RIN1: variants seen among roughly 807,000 people sequenced by gnomAD.
RIN1 encodes the protein Ras and Rab interactor 1.
A neutral mutation model predicts 64.9 loss-of-function variants in RIN1; 52 were observed. That is an observed-to-expected ratio of 0.80 (90% CI 0.64 to 1.01). The LOEUF is 1.01. Ranked by LOEUF, RIN1 falls within the 50% of genes least tolerant of loss-of-function variation. RIN1 has a pLI of 0.00. For missense variants in RIN1, 1,040 were observed against 1,064.5 expected (o/e 0.98, Z 0.32); for synonymous variants, 486 against 483.6 (o/e 1.00, Z -0.06).
rs752718062 is a variant in RIN1, at chr11:66,334,079, G to A, written c.1431C>T (p.Pro477=). The change falls in exon 7 of 10, where the codon CCC becomes CCT. Residue 477 remains proline (P), a synonymous_variant. Transcript: ENST00000311320. ...GGCTCAGGTGGGACCCGAAGGCTCC[G>A]GGGCCCTGGGCCCGGGCCAGGCGGA... The part of the protein sequence containing the change: ...EGLRLARAQG[P]GAFGSHLSLP... 32 of 1,567,086 alleles carry A rather than the reference G, an allele frequency of 2.0e-5. No individual in the cohort carries two copies. Among genetic ancestry groups the A allele is most frequent in the Admixed American group, 7.7e-5 (4 of 52,126 alleles).
At position 66,331,237 on chromosome 11, in the gene RIN1, G is replaced by C. The variant is rs181966463; in HGVS notation, c.*1039C>G. Reference sequence around the variant, plus strand: ...TGTGGGTGGCTTAGAATGGAGGGTGGAGTTGGAACCTGATGCCCTGGTTTG... The same window carrying C: ...TGTGGGTGGCTTAGAATGGAGGGTGCAGTTGGAACCTGATGCCCTGGTTTG... On this transcript the variant is annotated 3_prime_UTR_variant, in exon 10 of 10. Coordinates refer to ENST00000311320, the MANE Select transcript of RIN1 (RefSeq NM_004292.3). 6.6e-6 allele frequency: 1 copy of C among 152,520 alleles called. No individual in the cohort carries two copies. Among genetic ancestry groups the C allele is most frequent in the Non-Finnish European group, 1.5e-5 (1 of 68,140 alleles). The allele number at this position is 152,520 out of a possible 1,614,324, so 9.4% of individuals were successfully genotyped here.
rs776300727 is a variant in RIN1, at chr11:66,334,527, C to T, written c.1272G>A (p.Ser424=). The T allele has an allele frequency of 2.2e-5, 35 of 1,595,378 alleles. No individual in the cohort carries two copies. Among genetic ancestry groups the T allele is most frequent in the Middle Eastern group, 1.7e-4 (1 of 6,006 alleles). ...SAELGPEKLL[S]PKRLEHVLEK... is the part of the protein sequence containing the mutation. Reference sequence around the variant, plus strand: ...ACGGAGCCTCACCCAGCCTCTTAGGCGACAGCAGCTTCTCAGGGCCCAGCT... The same window carrying T: ...ACGGAGCCTCACCCAGCCTCTTAGGTGACAGCAGCTTCTCAGGGCCCAGCT... The change falls in exon 6 of 10, where the codon TCG becomes TCA. Residue 424 remains serine (S), a synonymous_variant. Coordinates refer to ENST00000311320, the MANE Select transcript of RIN1 (RefSeq NM_004292.3).
chr11:66,334,384 C>T lies in RIN1; in HGVS notation c.1285+130G>A, dbSNP rs551030954. The T allele has an allele frequency of 8.2e-6, 11 of 1,337,686 alleles. No homozygotes were observed. The African/African-American group carries it at 1.5e-4, about 18-fold the overall frequency. 82.9% of individuals were successfully genotyped at this position (1,337,686 alleles called of 1,614,324 possible). ...GAGTTGGGGGAGAGAGGGGATGGAA[C>T]TCTCTCGAACAGTGGTAAGACAAGA... is the stretch of plus-strand genomic sequence containing the variant. On this transcript the variant is annotated intron_variant, in intron 6 of 9. Coordinates refer to ENST00000311320, the MANE Select transcript of RIN1 (RefSeq NM_004292.3).
In RIN1 at chr11:66,334,093, G is replaced by C. The variant is rs753504307; in HGVS notation, c.1417C>G (p.Arg473Gly). 2.6e-6 allele frequency: 4 copies of C among 1,560,244 alleles called. No homozygotes were observed. Among genetic ancestry groups the C allele is most frequent in the African/African-American group, 2.7e-5 (2 of 74,024 alleles). ...GRLAEGLRLARAQGPGAFGSH... is the reference protein window; with the variant it reads ...GRLAEGLRLAGAQGPGAFGSH... ...CCGAAGGCTCCGGGGCCCTGGGCCCGGGCCAGGCGGAGGCCCTCAGCTAGG... is the reference window on the plus strand; with the variant it reads ...CCGAAGGCTCCGGGGCCCTGGGCCCCGGCCAGGCGGAGGCCCTCAGCTAGG... The change falls in exon 7 of 10, where the codon CGG becomes GGG. Residue 473 changes from arginine to glycine, a missense_variant. Arg to Gly is a moderately radical substitution (Grantham distance 125, BLOSUM62 -2). Coordinates refer to ENST00000311320, the MANE Select transcript of RIN1 (RefSeq NM_004292.3).
rs1854744179 is a variant in RIN1 at position 66,332,061 on chromosome 11, G to T, written c.*215C>A. On this transcript the variant is annotated 3_prime_UTR_variant, in exon 10 of 10. Coordinates refer to ENST00000311320, the MANE Select transcript of RIN1 (RefSeq NM_004292.3). ...GGGGGAGAAGAACAAGAGGCAAGGG[G>T]CCTTGGGCACACAGTCTGGGGGCCC... 1 of 594,080 alleles carries T rather than the reference G, an allele frequency of 1.7e-6. No individual in the cohort carries two copies. Among genetic ancestry groups the T allele is most frequent in the East Asian group, 2.8e-5 (1 of 35,810 alleles). The allele number at this position is 594,080 out of a possible 1,614,324, so 36.8% of individuals were successfully genotyped here. A position where few individuals can be genotyped will look rare whatever the true frequency, so the allele number is the denominator to read the frequency against.
rs753035917 is a variant in RIN1, at chr11:66,332,367, G to A, written c.2261C>T (p.Thr754Ile). 6.2e-7 allele frequency: 1 copy of A among 1,614,176 alleles called. No individual in the cohort carries two copies. Among genetic ancestry groups the A allele is most frequent in the East Asian group, 2.2e-5 (1 of 44,890 alleles). ...SPRDIREQSE[T>I]TAEGGQGQAQ... Reference sequence around the variant, plus strand: ...TTGACCCTGGCCCCCTTCAGCAGTTGTCTCAGACTGTTCCCGAATGTCCCT... The same window carrying A: ...TTGACCCTGGCCCCCTTCAGCAGTTATCTCAGACTGTTCCCGAATGTCCCT... Residue 754 changes from threonine (T) to isoleucine (I), a missense_variant, in exon 10 of 10, where the codon ACA becomes ATA. By Grantham distance (89) the Thr-to-Ile change is moderately conservative (BLOSUM62 -1). Coordinates refer to ENST00000311320, the MANE Select transcript of RIN1 (RefSeq NM_004292.3).
Position 66,335,891 on chromosome 11 carries a change from G to A in RIN1, c.268-15C>T, listed in dbSNP as rs1399496324. On this transcript the variant is annotated splice_polypyrimidine_tract_variant and intron_variant, in intron 2 of 9. Transcript: ENST00000311320. ...ACGAGGAACGTCTGCAAGTGGATAG[G>A]GCTCAGGCAGCTCAGGACCTTGGCG... 2.6e-6 allele frequency: 4 copies of A among 1,546,188 alleles called. No individual in the cohort carries two copies. Among genetic ancestry groups the A allele is most frequent in the Middle Eastern group, 1.7e-4 (1 of 5,764 alleles).
In RIN1 at chr11:66,333,631, A is replaced by AC; in HGVS notation, c.1618_1619insG (p.Leu540ArgfsTer12). ...GGCCAAGACGAGGCTCAGCAGAGGC[A>AC]GGAACTCGTCGGCACCCGCGCCCTC... On this transcript the variant is annotated frameshift_variant, in exon 8 of 10. Coordinates refer to ENST00000311320, the MANE Select transcript of RIN1 (RefSeq NM_004292.3). LOFTEE classifies it high-confidence loss of function. 6.2e-7 allele frequency: 1 copy of AC among 1,612,574 alleles called. No individual in the cohort carries two copies. The highest frequency in any genetic ancestry group is 1.7e-5 in the Admixed American group (1 of 59,832).
At position 66,332,675 on chromosome 11, in the gene RIN1, C is replaced by A. The variant is rs368114930; in HGVS notation, c.1953G>T (p.Ser651=). ...CACAGAGCTGGTTCAGGGTGGCAAT[C>A]GAGGCTTCTGGGGGCACGGCCAGGG... ...SKTLAVPPEA[S]IATLNQLCAT... Residue 651 remains serine, a synonymous_variant, in exon 10 of 10, where the codon TCG becomes TCT. Coordinates refer to ENST00000311320, the MANE Select transcript of RIN1 (RefSeq NM_004292.3). The A allele has an allele frequency of 1.3e-6, 2 of 1,576,476 alleles. No individual in the cohort carries two copies. The highest frequency in any genetic ancestry group is 1.3e-5 in the African/African-American group (1 of 74,154).
rs934391497 is a variant in RIN1, at chr11:66,331,465, G to A, written c.*811C>T. ...TCTCCCCAGAGATGCTGGAGGGCCT[G>A]GGAGGACTCCAAATCTTGGGGAGAG... is the stretch of plus-strand genomic sequence containing the variant. On this transcript the variant is annotated 3_prime_UTR_variant, in exon 10 of 10. Coordinates refer to ENST00000311320, the MANE Select transcript of RIN1 (RefSeq NM_004292.3). 6.6e-6 allele frequency: 1 copy of A among 152,224 alleles called. No individual in the cohort carries two copies. The highest frequency in any genetic ancestry group is 1.5e-5 in the Non-Finnish European group (1 of 68,046). The allele number at this position is 152,224 out of a possible 1,614,324, so 9.4% of individuals were successfully genotyped here.
chr11:66,331,861 TCTGGAAG>T lies in RIN1; in HGVS notation c.*408_*414del. ...TAAGAGCCATTGGAACCTTTTAGGG[TCTGGAAG>T]TCCCAGCCTGGTGGGAGATACTTGG... is the stretch of plus-strand genomic sequence containing the variant. On this transcript the variant is annotated 3_prime_UTR_variant, in exon 10 of 10. Transcript: ENST00000311320. The T allele has an allele frequency of 4.3e-6, 1 of 231,852 alleles. No individual in the cohort carries two copies. The highest frequency in any genetic ancestry group is 8.5e-6 in the Non-Finnish European group (1 of 117,538). 14.4% of individuals were successfully genotyped at this position (231,852 alleles called of 1,614,324 possible). A position where few individuals can be genotyped will look rare whatever the true frequency, so the allele number is the denominator to read the frequency against.
intron 5 of RIN1, 68 bp from the exon 6 acceptor site, chr11:66,335,319 C>A (rs1220091131): frequency 2.6e-6 from 4 of 1,556,990 alleles, no homozygotes; most frequent in Non-Finnish European, 2.6e-6. Context: ...CAAGGCAAGG[C>A]AGGGGCTTCG....
chr11:66,336,493 G>A (rs946070435), upstream of RIN1: 101 of 1,105,784 alleles, frequency 9.1e-5, no homozygotes, highest in East Asian at 3.9e-4. Context: ...AGGGCGGTCC[G>A]CCTGTCACAC....
chr11:66,336,112 G>C lies in RIN1; in HGVS notation c.133C>G (p.Gln45Glu), dbSNP rs943857249. 1 of 1,441,384 alleles carries C rather than the reference G, an allele frequency of 6.9e-7. No homozygotes were observed. Among genetic ancestry groups the C allele is most frequent in the Non-Finnish European group, 9.1e-7 (1 of 1,099,978 alleles). 89.3% of individuals were successfully genotyped at this position (1,441,384 alleles called of 1,614,324 possible). A position where few individuals can be genotyped will look rare whatever the true frequency, so the allele number is the denominator to read the frequency against. ...CCCGGCCGCTGCGGCCCGCCTGCCT[G>C]CCCGCCGCTGGCATTGGGCACGTCA... ...LYDVPNASGG[Q>E]AGGPQRPGRV... Residue 45 changes from glutamine to glutamate, a missense_variant, in exon 2 of 10, where the codon CAG (glutamine) becomes GAG (glutamate). Gln to Glu is a conservative substitution (Grantham distance 29). Transcript: ENST00000311320.
rs1240666235 is a variant in RIN1 at position 66,334,020 on chromosome 11, T to C, written c.1490A>G (p.Gln497Arg). The C allele has an allele frequency of 6.4e-7, 1 of 1,571,838 alleles. No homozygotes were observed. The highest frequency in any genetic ancestry group is 2.3e-5 in the East Asian group (1 of 43,380). The change falls in exon 7 of 10, where the codon CAG becomes CGG. Residue 497 changes from glutamine to arginine, a missense_variant. Physicochemically the swap from Gln to Arg is conservative, Grantham distance 43. Transcript: ENST00000311320. ...PSPVELEQVRQKLLQLLRTYS... is the reference protein window; with the variant it reads ...PSPVELEQVRRKLLQLLRTYS... ...GGTGCGGAGCAGCTGCAGCAGCTTC[T>C]GGCGCACTTGCTCCAACTCTACTGG...
At chr11:66,335,296 G>A (rs552127535) in intron 5 of RIN1, 45 bp from the exon 6 acceptor site, 8 of 1,558,910 alleles carry the variant, frequency 5.1e-6, no homozygotes, top group Non-Finnish European at 6.9e-6. Flanking sequence ...CTGGTTAGGG[G>A]AAGTTTCCCA....
rs2282532 is a variant in RIN1, at chr11:66,332,572, G to A, written c.2056C>T (p.Pro686Ser). 5.3e-3 allele frequency: 8,483 copies of A among 1,612,258 alleles called. 258 individuals carry two copies. The African/African-American group carries it at 0.074, about 14-fold the overall frequency. Reference sequence around the variant, plus strand: ...GGCAGCCTGTGGGCCAGGGCCCCAGGGGGCAGGCGGTGGTAGCCCTGCTCC... The same window carrying A: ...GGCAGCCTGTGGGCCAGGGCCCCAGAGGGCAGGCGGTGGTAGCCCTGCTCC... ...YKEQGYHRLPPGALAHRLPTT... is the reference protein window; with the variant it reads ...YKEQGYHRLPSGALAHRLPTT... The change falls in exon 10 of 10, where the codon CCT becomes TCT. Residue 686 changes from proline (P) to serine (S), a missense_variant. Physicochemically the swap from Pro to Ser is moderately conservative, Grantham distance 74. Coordinates refer to ENST00000311320, the MANE Select transcript of RIN1 (RefSeq NM_004292.3).
intron 7 of RIN1, 111 bp from the exon 8 acceptor site, chr11:66,333,769 T>G: frequency 6.9e-7 from 1 of 1,453,046 alleles, no homozygotes; most frequent in East Asian, 2.4e-5. Flanking sequence ...GATGCGCTCC[T>G]CTCTAGGCCT....
At chr11:66,333,224 T>A (rs58221849) in intron 9 of RIN1, 34 bp downstream of exon 9, 133,921 of 1,604,550 alleles carry the variant, frequency 0.083, 6,133 homozygotes, top group African/African-American at 0.16. Flanking sequence ...GGGGATGGCG[T>A]CTGGCTCTGA....
Sources: allele counts gnomAD v4.1 joint callset, GRCh38; gene constraint gnomAD v4.1.1; transcripts MANE v1.5; gene names NCBI Gene and HGNC (gene_info 2026-07-23, HGNC 2026-07-21).